The following EXOC1L variants were observed in gnomAD, a reference collection of about 807,000 sequenced individuals.
The protein encoded by EXOC1L is exocyst complex component 1-like.
In EXOC1L, 10 loss-of-function variants were observed where a neutral mutation model predicts 4.9. The ratio of observed to expected loss-of-function variants is 2.02; its 90% CI spans 1.25 to 3.43. The LOEUF is 3.43. Among genes scored for constraint, EXOC1L ranks in the 30% most tolerant of loss-of-function variants. The pLI, the probability that EXOC1L is intolerant of heterozygous loss-of-function variation, is 0.00. For missense variants in EXOC1L, 114 were observed against 59.4 expected, an observed-to-expected ratio of 1.92 and a Z score of -3.02; for synonymous variants, 41 against 20.8, an observed-to-expected ratio of 1.97 and a Z score of -2.63.
intron 1 of EXOC1L, among the ~76,000 whole-genome samples, chr4:55,826,967 A>C (rs944834467): frequency 6.6e-6 from 1 of 152,198 alleles, no homozygotes; most frequent in African/African-American, 2.4e-5. Context: ...CACCTTCTTC[A>C]TGTCTCTTCT....
chr4:55,833,225 G>C (rs911344112), intron 2 of EXOC1L, among the ~76,000 whole-genome samples: 1 of 151,692 alleles, frequency 6.6e-6, no homozygotes, highest in Non-Finnish European at 1.5e-5. Context: ...GCTTCCAAAA[G>C]AATATCTCAG....
At chr4:55,830,704 GC>G (rs1720008195) in intron 1 of EXOC1L, among the ~76,000 whole-genome samples, 1 of 151,998 alleles carries the variant, frequency 6.6e-6, no homozygotes, top group Admixed American at 6.6e-5. Flanking sequence ...AAGCTTTTGT[GC>G]AAATAGCACA....
chr4:55,836,704 C>A (rs1002009213), intron 2 of EXOC1L, among the ~76,000 whole-genome samples: 15 of 151,922 alleles, frequency 9.9e-5, no homozygotes, highest in African/African-American at 3.6e-4. Context: ...AAGGAACCAA[C>A]CTCGTACTAA....
In EXOC1L at chr4:55,837,172, GTA is replaced by G. The variant is rs1720186768; in HGVS notation, c.341_342del (p.Val114GlufsTer2). On this transcript the variant is annotated frameshift_variant, in exon 3 of 3. Coordinates refer to ENST00000636125, the MANE Select transcript of EXOC1L (RefSeq NM_001351574.3). LOFTEE classifies it high-confidence loss of function. ...CASKYAFART[V>X]NKLNHAYLKK... ...TTCTAAATATGCCTTTGCTCGAACT[GTA>G]AATAAGCTGAATCATGCATATCTTA... is the stretch of plus-strand genomic sequence containing the variant. 2 of 701,962 alleles carry G rather than the reference GTA, an allele frequency of 2.8e-6. No individual in the cohort carries two copies. The highest frequency in any genetic ancestry group is 5.2e-6 in the Non-Finnish European group (2 of 384,358). 43.5% of individuals were successfully genotyped at this position (701,962 alleles called of 1,614,324 possible).
intron 1 of EXOC1L, among the ~76,000 whole-genome samples, chr4:55,827,856 C>T (rs1417466437): frequency 6.6e-6 from 1 of 152,160 alleles, no homozygotes; most frequent in Admixed American, 6.5e-5. Context: ...TTCAAGTGTG[C>T]CTCCACTTCA....
chr4:55,823,115 T>C lies in EXOC1L; in HGVS notation c.121+2968T>C, dbSNP rs150337503. Among the ~76,000 whole-genome samples, 257 of 152,058 alleles carry C rather than the reference T, an allele frequency of 1.7e-3. 8 individuals are homozygous for C. In the East Asian group the frequency reaches 0.045, roughly 27 times the overall value. On this transcript the variant is annotated intron_variant, in intron 1 of 2. Transcript: ENST00000636125. ...TAGAAAAACATCTTCCATTCATAGC[T>C]ATTAATCTGAAAATAAATGGCATTT...
chr4:55,821,248 G>A (rs1426023942), intron 1 of EXOC1L, among the ~76,000 whole-genome samples: 1 of 152,054 alleles, frequency 6.6e-6, no homozygotes, highest in Admixed American at 6.6e-5. Flanking sequence ...TGACACTTTA[G>A]CATATTTTGC....
At chr4:55,826,580 T>G (rs761484645) in intron 1 of EXOC1L, among the ~76,000 whole-genome samples, 1 of 152,258 alleles carries the variant, frequency 6.6e-6, no homozygotes, top group Admixed American at 6.5e-5. Context: ...TCTACAGATA[T>G]GCTCACTAAA....
chr4:55,828,620 C>T (rs1206866272), intron 1 of EXOC1L, among the ~76,000 whole-genome samples: 2 of 152,130 alleles, frequency 1.3e-5, no homozygotes, highest in African/African-American at 4.8e-5. Flanking sequence ...TGGCTTGAGG[C>T]CAGGAGTTTG....
chr4:55,827,199 C>T (rs1468630410), intron 1 of EXOC1L, among the ~76,000 whole-genome samples: 4 of 152,212 alleles, frequency 2.6e-5, no homozygotes, highest in African/African-American at 9.6e-5. Context: ...GCCACCTGTC[C>T]ACCCTCACAC....
chr4:55,835,039 G>A (rs983950981), intron 2 of EXOC1L, among the ~76,000 whole-genome samples: 11 of 151,634 alleles, frequency 7.3e-5, no homozygotes, highest in African/African-American at 1.2e-4. Flanking sequence ...TTTTGCATAC[G>A]CATAACTTAA....
intron 1 of EXOC1L, among the ~76,000 whole-genome samples, chr4:55,821,836 C>T (rs936021027): frequency 3.9e-5 from 6 of 152,236 alleles, no homozygotes; most frequent in African/African-American, 1.4e-4. Flanking sequence ...TTCTACATCA[C>T]ATCATCAATT....
chr4:55,823,631 G>A (rs2110280298), intron 1 of EXOC1L, among the ~76,000 whole-genome samples: 1 of 152,252 alleles, frequency 6.6e-6, no homozygotes, highest in Non-Finnish European at 1.5e-5. Context: ...TCTGATTATA[G>A]AGCCAAACAT....
At chr4:55,836,528 G>A (rs573903056) in intron 2 of EXOC1L, among the ~76,000 whole-genome samples, 1 of 151,966 alleles carries the variant, frequency 6.6e-6, no homozygotes, top group East Asian at 1.9e-4. Context: ...GAGCCTAGAG[G>A]CAGTCTTTAG....
intron 1 of EXOC1L, among the ~76,000 whole-genome samples, chr4:55,825,332 A>C (rs1560575226): frequency 6.6e-6 from 1 of 152,174 alleles, no homozygotes; most frequent in Non-Finnish European, 1.5e-5. Context: ...GTAAGAGTAG[A>C]TGCTTTTCTT....
chr4:55,820,218 T>C (rs939891799), intron 1 of EXOC1L, 71 bp downstream of exon 1: 3 of 396,546 alleles, frequency 7.6e-6, no homozygotes, highest in Non-Finnish European at 1.3e-5. Flanking sequence ...AGAGGGAATT[T>C]TTTTTTTTTG....
At position 55,831,554 on chromosome 4, in the gene EXOC1L, C is replaced by T. The variant is rs115830722; in HGVS notation, c.252+90C>T. ...CTGCTTCATATATTCTTGGCATGTA[C>T]TAAGTGTTAAGATGACATTATATTG... On this transcript the variant is annotated intron_variant, in intron 2 of 2. Coordinates refer to ENST00000636125, the MANE Select transcript of EXOC1L (RefSeq NM_001351574.3). 1,580 of 563,990 alleles carry T rather than the reference C, an allele frequency of 2.8e-3. 14 individuals are homozygous for T. The highest frequency in any genetic ancestry group is 0.027 in the African/African-American group (1,399 of 51,886). The allele number at this position is 563,990 out of a possible 1,614,324, so 34.9% of individuals were successfully genotyped here.
intron 2 of EXOC1L, among the ~76,000 whole-genome samples, chr4:55,836,458 GA>G (rs1163504967): frequency 1.3e-5 from 2 of 151,842 alleles, no homozygotes; most frequent in African/African-American, 4.8e-5. Context: ...TAACATGTAG[GA>G]CCTAGATCAG....
chr4:55,822,994 T>C (rs1719785312), intron 1 of EXOC1L, among the ~76,000 whole-genome samples: 1 of 151,054 alleles, frequency 6.6e-6, no homozygotes, highest in Non-Finnish European at 1.5e-5. Flanking sequence ...TGTGTATATT[T>C]AATATAAAAT....
Sources: gnomAD v4.1 joint callset for allele counts (sites outside exome capture counted in the v4.1 genomes callset) on GRCh38, gnomAD v4.1.1 for gene constraint, MANE v1.5 for transcripts, NCBI Gene and HGNC (gene_info 2026-07-23, HGNC 2026-07-21) for gene names.